The following DNMT3A variants were observed in gnomAD, a reference collection of about 807,000 sequenced individuals.
The protein encoded by DNMT3A is DNA (cytosine-5)-methyltransferase 3A.
Under a neutral mutation model 117.6 loss-of-function variants are expected in DNMT3A, and 267 were observed. The ratio of observed to expected loss-of-function variants is 2.27; its 90% CI spans 2.05 to 2.51. DNMT3A has a LOEUF of 2.51. Among genes scored for constraint, DNMT3A ranks in the 30% most tolerant of loss-of-function variants. The pLI is 0.00. For synonymous variants in DNMT3A, 432 were observed against 474.8 expected (o/e 0.91, Z 1.17); for missense variants, 1,029 against 1,260.2 (o/e 0.82, Z 2.78).
intron 6 of DNMT3A, among the ~76,000 whole-genome samples, chr2:25,266,865 A>G (rs1365674170): frequency 6.6e-6 from 1 of 152,232 alleles, no homozygotes; most frequent in African/African-American, 2.4e-5. Context: ...AGTTTGGCAG[A>G]TGTCATAAAA....
At position 25,229,339 on chromosome 2, in the gene DNMT3A, G is replaced by C. The variant is rs1672784799; in HGVS notation, c.*4940C>G. 1.3e-5 allele frequency: 2 copies of C among 152,278 alleles called. No homozygotes were observed. Among genetic ancestry groups the C allele is most frequent in the Non-Finnish European group, 2.9e-5 (2 of 68,078 alleles). The allele number at this position is 152,278 out of a possible 1,614,324, so 9.4% of individuals were successfully genotyped here. On this transcript the variant is annotated 3_prime_UTR_variant, in exon 23 of 23. Coordinates refer to ENST00000321117, the MANE Select transcript of DNMT3A (RefSeq NM_022552.5). Reference sequence around the variant, plus strand: ...CTGGCTCAGCAGGGCATGGCCAGAAGGGCCATCCCAGCTCCAGACCATTCC... The same window carrying C: ...CTGGCTCAGCAGGGCATGGCCAGAACGGCCATCCCAGCTCCAGACCATTCC...
chr2:25,271,125 A>ACCTGAGGTCAAGAGTTCAAGACCAG (rs1315522189), intron 6 of DNMT3A, among the ~76,000 whole-genome samples: 9 of 152,064 alleles, frequency 5.9e-5, no homozygotes, highest in Non-Finnish European at 5.9e-5. Context: ...CGGGCAGATC[A>ACCTGAGGTCAAGAGTTCAAGACCAG]CCTGAGGTCA....
rs1485588684 is a variant in DNMT3A, at chr2:25,296,167, T to C, written c.177+3972A>G. Among the ~76,000 whole-genome samples, 1 of 152,174 alleles carries C rather than the reference T, an allele frequency of 6.6e-6. No homozygotes were observed. The highest frequency in any genetic ancestry group is 6.5e-5 in the Admixed American group (1 of 15,282). Reference sequence around the variant, plus strand: ...GACCACTGCAGTCCCATGTGTGTGATCGGTGGGCTTGGAACTTGTCTTTAT... The same window carrying C: ...GACCACTGCAGTCCCATGTGTGTGACCGGTGGGCTTGGAACTTGTCTTTAT... On this transcript the variant is annotated intron_variant, in intron 3 of 22. Coordinates refer to ENST00000321117, the MANE Select transcript of DNMT3A (RefSeq NM_022552.5). The surrounding 1 kb of genome is among the most constrained non-coding windows in gnomAD (Gnocchi z 4.2).
At chr2:25,266,193 A>G (rs1426628926) in intron 6 of DNMT3A, among the ~76,000 whole-genome samples, 2 of 152,212 alleles carry the variant, frequency 1.3e-5, no homozygotes, top group Admixed American at 6.5e-5. Context: ...ACAGGCTGTC[A>G]TGGGAGCCTC....
At chr2:25,324,527 T>C (rs1001880874) in intron 1 of DNMT3A, among the ~76,000 whole-genome samples, 1 of 152,186 alleles carries the variant, frequency 6.6e-6, no homozygotes, top group Non-Finnish European at 1.5e-5. Flanking sequence ...AACAGTCCCA[T>C]GGCTAAATTT....
intron 1 of DNMT3A, among the ~76,000 whole-genome samples, chr2:25,332,927 C>G (rs1025397029): frequency 5.9e-5 from 9 of 152,248 alleles, no homozygotes; most frequent in African/African-American, 1.9e-4. Flanking sequence ...GGGGCAGAGC[C>G]AGAACCCAGC....
At chr2:25,300,631 AAATAATATAT>A (rs2033386588) in intron 2 of DNMT3A, among the ~76,000 whole-genome samples, 2 of 91,292 alleles carry the variant, frequency 2.2e-5, no homozygotes, top group Non-Finnish European at 4.7e-5. Flanking sequence ...TTAGATATCT[AAATAATATAT>A]TATTTAGATA....
At chr2:25,253,679 C>T (rs566586379) in intron 6 of DNMT3A, among the ~76,000 whole-genome samples, 1 of 152,296 alleles carries the variant, frequency 6.6e-6, no homozygotes, top group East Asian at 1.9e-4. Context: ...GAAAAATCAG[C>T]CTAGTTGCCG....
At position 25,252,082 on chromosome 2, in the gene DNMT3A, G is replaced by T; in HGVS notation, c.640-3830C>A. 1 of 1,366,514 alleles carries T rather than the reference G, an allele frequency of 7.3e-7. No individual in the cohort carries two copies. The highest frequency in any genetic ancestry group is 9.9e-7 in the Non-Finnish European group (1 of 1,008,360). 84.6% of individuals were successfully genotyped at this position (1,366,514 alleles called of 1,614,324 possible). On this transcript the variant is annotated intron_variant, in intron 6 of 22. Transcript: ENST00000321117. The surrounding 1 kb of genome is among the most constrained non-coding windows in gnomAD (Gnocchi z 5.5). ...GGCCGGGACGCCGCGGCTGCTGCGG[G>T]CCGGGGAGGCATACTTCACTCTTTT...
intron 6 of DNMT3A, among the ~76,000 whole-genome samples, chr2:25,253,440 T>A (rs879327292): frequency 2.0e-5 from 3 of 152,080 alleles, no homozygotes; most frequent in Non-Finnish European, 2.9e-5. Context: ...AGAGGTCAGT[T>A]CCAGGTGAGC....
At position 25,240,434 on chromosome 2, in the gene DNMT3A, GA is replaced by G; in HGVS notation, c.2189del (p.Leu730ProfsTer49). On this transcript the variant is annotated frameshift_variant, in exon 19 of 23. Coordinates refer to ENST00000321117, the MANE Select transcript of DNMT3A (RefSeq NM_022552.5). LOFTEE classifies it high-confidence loss of function. Reference protein sequence around the residue: ...RKGLYEGTGRLFFEFYRLLHD... With the variant: ...RKGLYEGTGRXFFEFYRLLHD... ...GCAGGAGGCGGTAGAACTCAAAGAA[GA>G]GCCGGCCAGTGCCCTCTGAGAGGTC... 2 of 1,610,058 alleles carry G rather than the reference GA, an allele frequency of 1.2e-6. No individual in the cohort carries two copies. The highest frequency in any genetic ancestry group is 1.7e-6 in the Non-Finnish European group (2 of 1,177,966).
chr2:25,248,981 A>G (rs1030722803), intron 6 of DNMT3A, among the ~76,000 whole-genome samples: 1 of 152,200 alleles, frequency 6.6e-6, no homozygotes, highest in African/African-American at 2.4e-5. Context: ...CTTGTCATTT[A>G]GCATTATACC....
At chr2:25,329,118 G>GCCGCCTTTCT (rs1305473141) in intron 1 of DNMT3A, among the ~76,000 whole-genome samples, 2 of 152,168 alleles carry the variant, frequency 1.3e-5, no homozygotes, top group Non-Finnish European at 2.9e-5. Context: ...TTCCCACAGG[G>GCCGCCTTTCT]CCGCCTTTCT....
rs1180821981 is a variant in DNMT3A at position 25,337,851 on chromosome 2, G to A, written c.-178+3975C>T. Reference sequence around the variant, plus strand: ...AGTGGAAAGGGATCTGGCACCTTTAGTAGACCATTAAAGCCCTGCTCAGGA... The same window carrying A: ...AGTGGAAAGGGATCTGGCACCTTTAATAGACCATTAAAGCCCTGCTCAGGA... On this transcript the variant is annotated intron_variant, in intron 1 of 22. Coordinates refer to ENST00000321117, the MANE Select transcript of DNMT3A (RefSeq NM_022552.5). This position sits in a 1 kb window ranked among gnomAD's most constrained non-coding sequence, Gnocchi z 5.0. Among the ~76,000 whole-genome samples, 4 of 152,216 alleles carry A rather than the reference G, an allele frequency of 2.6e-5. No individual in the cohort carries two copies. Among genetic ancestry groups the A allele is most frequent in the Non-Finnish European group, 5.9e-5 (4 of 68,038 alleles).
chr2:25,315,860 C>T (rs1300642838), intron 1 of DNMT3A, among the ~76,000 whole-genome samples: 1 of 152,218 alleles, frequency 6.6e-6, no homozygotes, highest in Non-Finnish European at 1.5e-5. Flanking sequence ...CATTTGTTAC[C>T]ACAGACATCT....
At chr2:25,310,733 T>G (rs774922058) in intron 2 of DNMT3A, among the ~76,000 whole-genome samples, 33 of 152,252 alleles carry the variant, frequency 2.2e-4, no homozygotes, top group Non-Finnish European at 3.7e-4. Context: ...GCCGTGACCC[T>G]GCGCTCCAGG....
At position 25,244,354 on chromosome 2, in the gene DNMT3A, G is replaced by A. The variant is rs1189967000; in HGVS notation, c.1668-16C>T. On this transcript the variant is annotated splice_polypyrimidine_tract_variant and intron_variant, in intron 14 of 22. Transcript: ENST00000321117. ...GCAAAAGCACCTGGAAGGAGACCCA[G>A]TGAGCAGAGGAGACTCTCAGCCCTG... 1 of 1,591,574 alleles carries A rather than the reference G, an allele frequency of 6.3e-7. No individual in the cohort carries two copies. The highest frequency in any genetic ancestry group is 8.6e-7 in the Non-Finnish European group (1 of 1,169,022).
At chr2:25,262,205 A>AG (rs1558688436) in intron 6 of DNMT3A, among the ~76,000 whole-genome samples, 2 of 151,396 alleles carry the variant, frequency 1.3e-5, no homozygotes, top group African/African-American at 4.9e-5. Flanking sequence ...AAAAAAAAAA[A>AG]AAACCTGTCC....
intron 6 of DNMT3A, among the ~76,000 whole-genome samples, chr2:25,265,912 G>A (rs1248023011): frequency 1.3e-5 from 2 of 152,214 alleles, no homozygotes; most frequent in East Asian, 3.8e-4. Flanking sequence ...TAAAGTAGGT[G>A]CTCAGTGAAG....
Sources: gnomAD v4.1 joint callset for allele counts (sites outside exome capture counted in the v4.1 genomes callset) on GRCh38, gnomAD v4.1.1 for gene constraint, Gnocchi (gnomAD v3.1) non-coding constraint, MANE v1.5 for transcripts, NCBI Gene and HGNC (gene_info 2026-07-23, HGNC 2026-07-21) for gene names.